The following PHIP variants were observed in gnomAD, a reference collection of about 807,000 sequenced individuals.
PHIP encodes PH-interacting protein.
A neutral mutation model predicts 236.8 loss-of-function variants in PHIP; 54 were observed. The ratio of observed to expected loss-of-function variants is 0.23; its 90% CI spans 0.18 to 0.29. The LOEUF (loss-of-function observed/expected upper bound fraction) is 0.29, where lower values mean the gene tolerates loss of function less well. Ranked by LOEUF, PHIP falls within the 10% of genes least tolerant of loss-of-function variation. PHIP has a pLI of 1.00. For synonymous variants in PHIP, 756 were observed against 718.9 expected, an observed-to-expected ratio of 1.05 and a Z score of -0.83; for missense variants, 1,370 against 2,190.8, an observed-to-expected ratio of 0.63 and a Z score of 7.48.
At chr6:78,963,857 A>C (rs1472363214) in intron 29 of PHIP, among the ~76,000 whole-genome samples, 2 of 152,200 alleles carry the variant, frequency 1.3e-5, no homozygotes, top group African/African-American at 4.8e-5. Context: ...TTTGGCAGAT[A>C]CACTCTAGAA....
chr6:79,060,032 G>T (rs1240614016), intron 6 of PHIP, among the ~76,000 whole-genome samples: 1 of 151,476 alleles, frequency 6.6e-6, no homozygotes, highest in Non-Finnish European at 1.5e-5. Context: ...GATGTGAAAG[G>T]CATGAACCTA....
At chr6:78,978,543 GT>G in intron 24 of PHIP, 48 bp downstream of exon 24, 2 of 1,488,136 alleles carry the variant, frequency 1.3e-6, no homozygotes, top group Non-Finnish European at 1.8e-6. Context: ...GTTAAAAAAT[GT>G]TTAAAACTAT....
chr6:78,993,766 T>C (rs1002250287), intron 19 of PHIP, among the ~76,000 whole-genome samples: 1 of 152,168 alleles, frequency 6.6e-6, no homozygotes, highest in South Asian at 2.1e-4. Flanking sequence ...ATATACAAGG[T>C]GATTAGTGTT....
At chr6:78,977,742 T>C (rs956567962) in intron 24 of PHIP, among the ~76,000 whole-genome samples, 2 of 152,216 alleles carry the variant, frequency 1.3e-5, no homozygotes, top group African/African-American at 2.4e-5. Flanking sequence ...ATCACTGTAC[T>C]ATATCACAAC....
intron 6 of PHIP, 86 bp from the exon 7 acceptor site, chr6:79,043,089 T>C: frequency 9.4e-7 from 1 of 1,061,280 alleles, no homozygotes; most frequent in Non-Finnish European, 1.4e-6. Flanking sequence ...ATACTCCAAT[T>C]TGTCATGTGC....
intron 7 of PHIP, among the ~76,000 whole-genome samples, chr6:79,027,669 T>C (rs903661599): frequency 2.0e-5 from 3 of 152,172 alleles, no homozygotes; most frequent in African/African-American, 4.8e-5. Context: ...AACACTTATA[T>C]GTCCTAAGTG....
At chr6:79,049,456 T>C (rs1407946979) in intron 6 of PHIP, among the ~76,000 whole-genome samples, 1 of 152,162 alleles carries the variant, frequency 6.6e-6, no homozygotes, top group African/African-American at 2.4e-5. Flanking sequence ...TAATTATAAT[T>C]TATAATTAAC....
chr6:79,041,311 T>C (rs1456789162), intron 7 of PHIP, among the ~76,000 whole-genome samples: 4 of 152,040 alleles, frequency 2.6e-5, no homozygotes, highest in African/African-American at 9.7e-5. Context: ...ACCACACTCA[T>C]GAGATAGCAA....
At chr6:79,029,944 C>T (rs947962281) in intron 7 of PHIP, among the ~76,000 whole-genome samples, 6 of 152,196 alleles carry the variant, frequency 3.9e-5, no homozygotes, top group Non-Finnish European at 8.8e-5. Flanking sequence ...TCTAGTTCCA[C>T]GAATGTTACT....
At chr6:79,046,706 A>G (rs1411100577) in intron 6 of PHIP, among the ~76,000 whole-genome samples, 1 of 151,982 alleles carries the variant, frequency 6.6e-6, no homozygotes, top group African/African-American at 2.4e-5. Context: ...GTGAAACCCC[A>G]TCTCTACTAA....
chr6:79,003,985 T>C (rs1463999751), intron 15 of PHIP, 127 bp from the exon 16 acceptor site: 5 of 551,256 alleles, frequency 9.1e-6, no homozygotes, highest in Non-Finnish European at 1.5e-5. Context: ...AAAACAAGCA[T>C]TGTACAGTAA....
At chr6:78,967,713 T>G (rs1447531579) in intron 27 of PHIP, among the ~76,000 whole-genome samples, 1 of 152,216 alleles carries the variant, frequency 6.6e-6, no homozygotes, top group African/African-American at 2.4e-5. Flanking sequence ...TCATTTTAAT[T>G]CTCTGTGATT....
chr6:78,992,000 C>T (rs760147926), intron 19 of PHIP, among the ~76,000 whole-genome samples: 59 of 145,696 alleles, frequency 4.0e-4, no homozygotes, highest in Middle Eastern at 3.8e-3. Flanking sequence ...GTCTCGCTGT[C>T]GCCCAGGCTG....
chr6:79,005,131 G>T (rs1056972741), intron 15 of PHIP, among the ~76,000 whole-genome samples: 1 of 151,822 alleles, frequency 6.6e-6, no homozygotes. Context: ...AACCATATTA[G>T]ATAAAACTAG....
At chr6:78,989,239 T>A (rs1236226126) in intron 20 of PHIP, among the ~76,000 whole-genome samples, 1 of 152,076 alleles carries the variant, frequency 6.6e-6, no homozygotes, top group Non-Finnish European at 1.5e-5. Context: ...GCAATGGCAA[T>A]ACCCTGTCTC....
At chr6:78,999,903 T>G (rs961764079) in intron 17 of PHIP, among the ~76,000 whole-genome samples, 5 of 152,080 alleles carry the variant, frequency 3.3e-5, no homozygotes, top group African/African-American at 1.2e-4. Flanking sequence ...TGTCTTATAC[T>G]TCTTTCCTGG....
chr6:79,062,479 T>C (rs1420822339), intron 4 of PHIP, among the ~76,000 whole-genome samples: 1 of 152,226 alleles, frequency 6.6e-6, no homozygotes, highest in Non-Finnish European at 1.5e-5. Flanking sequence ...TTGCAAATGA[T>C]TATTTTAATG....
chr6:79,005,241 GGAT>G (rs1770222887), intron 15 of PHIP, among the ~76,000 whole-genome samples: 1 of 151,908 alleles, frequency 6.6e-6, no homozygotes, highest in Non-Finnish European at 1.5e-5. Flanking sequence ...GAAAGTTGGA[GGAT>G]GATAAGATAG....
At position 78,936,970 on chromosome 6, in the gene PHIP, C is replaced by A. The variant is rs1773294082; in HGVS notation, c.*3723G>T. 2 of 151,762 alleles carry A rather than the reference C, an allele frequency of 1.3e-5. No homozygotes were observed. Among genetic ancestry groups the A allele is most frequent in the Non-Finnish European group, 3.0e-5 (2 of 67,720 alleles). 9.4% of individuals were successfully genotyped at this position (151,762 alleles called of 1,614,324 possible). ...TCAAATTTTAATGGGAAAATAAATT[C>A]TTGCCTAAGTGTAACAAAACCACTG... On this transcript the variant is annotated 3_prime_UTR_variant, in exon 40 of 40. Transcript: ENST00000275034.
Sources: gnomAD v4.1 joint callset for allele counts (sites outside exome capture counted in the v4.1 genomes callset) on GRCh38, gnomAD v4.1.1 for gene constraint, MANE v1.5 for transcripts, NCBI Gene and HGNC (gene_info 2026-07-23, HGNC 2026-07-21) for gene names.